Variants in STK24 observed in about 807,000 individuals in gnomAD.
STK24 encodes serine/threonine-protein kinase 24.
A neutral mutation model predicts 55.6 loss-of-function variants in STK24; 21 were observed. That is an observed-to-expected ratio of 0.38 (90% CI 0.27 to 0.54). The LOEUF (loss-of-function observed/expected upper bound fraction) is 0.54. Among genes scored for constraint, STK24 ranks in the 20% least tolerant of loss-of-function variants. The pLI is 0.79. For synonymous variants in STK24, 200 were observed against 215.2 expected (o/e 0.93, Z 0.62); for missense variants, 383 against 538.4 (o/e 0.71, Z 2.86).
intron 1 of STK24, among the ~76,000 whole-genome samples, chr13:98,534,188 C>G (rs1156358259): frequency 6.6e-6 from 1 of 152,226 alleles, no homozygotes; most frequent in Admixed American, 6.5e-5. Context: ...CCCAGGATCT[C>G]TCAGTGGTTG....
chr13:98,476,857 C>T (rs1343468106), intron 3 of STK24, among the ~76,000 whole-genome samples: 14 of 152,380 alleles, frequency 9.2e-5, no homozygotes, highest in African/African-American at 3.4e-4. Context: ...CTCGCTGGGA[C>T]TCTGGCCTGC....
chr13:98,456,634 C>T (rs1313878002), intron 10 of STK24: 3 of 451,414 alleles, frequency 6.6e-6, no homozygotes, highest in South Asian at 3.2e-5. Flanking sequence ...GTGCATTCAA[C>T]AGGTGGGGCC....
rs1023502749 is a variant in STK24, at chr13:98,451,371, C to T, written c.*1802G>A. 4 of 152,170 alleles carry T rather than the reference C, an allele frequency of 2.6e-5. No individual in the cohort carries two copies. The highest frequency in any genetic ancestry group is 9.7e-5 in the African/African-American group (4 of 41,440). The allele number at this position is 152,170 out of a possible 1,614,324, so 9.4% of individuals were successfully genotyped here. A position where few individuals can be genotyped will look rare whatever the true frequency, so the allele number is the denominator to read the frequency against. The stretch of plus-strand genomic sequence containing the variant: ...TGAAATCTTCTCCAATTTTATTATT[C>T]AACATAACATTCTTGTATGGAGTAA... On this transcript the variant is annotated 3_prime_UTR_variant, in exon 11 of 11. Coordinates refer to ENST00000539966, the MANE Select transcript of STK24 (RefSeq NM_001032296.4).
rs541580506 is a variant in STK24, at chr13:98,550,309, G to C, written c.42+26436C>G. On this transcript the variant is annotated intron_variant, in intron 1 of 10. Transcript: ENST00000539966. Reference sequence around the variant, plus strand: ...ATCCCAGCACTTTGGGAGGTCAAGGGGGGAAGATCGCGTGAGCCCAGGAGT... The same window carrying C: ...ATCCCAGCACTTTGGGAGGTCAAGGCGGGAAGATCGCGTGAGCCCAGGAGT... 3.3e-4 allele frequency among the ~76,000 whole-genome samples: 51 copies of C among 152,258 alleles called. No individual in the cohort carries two copies. The East Asian group carries it at 8.1e-3, about 24-fold the overall frequency.
Position 98,463,727 on chromosome 13 carries a change from T to C in STK24, c.893A>G (p.Gln298Arg). 1 of 1,614,202 alleles carries C rather than the reference T, an allele frequency of 6.2e-7. No individual in the cohort carries two copies. Among genetic ancestry groups the C allele is most frequent in the Non-Finnish European group, 8.5e-7 (1 of 1,180,028 alleles). ...IDRYKRWKAE[Q>R]SHDDSSSEDS... Reference sequence around the variant, plus strand: ...CTCGGAGCTCGAGTCGTCATGGCTCTGCTCGGCCTTCCATCTCTTGTACCT... The same window carrying C: ...CTCGGAGCTCGAGTCGTCATGGCTCCGCTCGGCCTTCCATCTCTTGTACCT... Residue 298 changes from glutamine to arginine, a missense_variant, in exon 7 of 11, where the codon CAG becomes CGG. Gln to Arg is a conservative substitution (Grantham distance 43). Coordinates refer to ENST00000539966, the MANE Select transcript of STK24 (RefSeq NM_001032296.4).
intron 1 of STK24, among the ~76,000 whole-genome samples, chr13:98,570,418 G>A (rs1325020620): frequency 6.6e-6 from 1 of 152,146 alleles, no homozygotes; most frequent in African/African-American, 2.4e-5. Flanking sequence ...AAACCTTACG[G>A]CCTAAAATTC....
intron 1 of STK24, among the ~76,000 whole-genome samples, chr13:98,536,569 G>C (rs1316416149): frequency 6.6e-6 from 1 of 151,942 alleles, no homozygotes; most frequent in Non-Finnish European, 1.5e-5. Flanking sequence ...GGTCTATGTT[G>C]CCCAGGATGG....
At chr13:98,478,522 G>A (rs1201867113) in intron 3 of STK24, among the ~76,000 whole-genome samples, 1 of 152,228 alleles carries the variant, frequency 6.6e-6, no homozygotes, top group Non-Finnish European at 1.5e-5. Flanking sequence ...TCCAGATGCT[G>A]AAGCCACCCA....
intron 1 of STK24, among the ~76,000 whole-genome samples, chr13:98,549,837 AC>A (rs1377805307): frequency 6.6e-6 from 1 of 151,896 alleles, no homozygotes; most frequent in African/African-American, 2.4e-5. Flanking sequence ...TCACCTAATC[AC>A]CTCCTAAAGG....
chr13:98,449,646 GAA>G lies in STK24; in HGVS notation c.*3525_*3526del, dbSNP rs1893090103. On this transcript the variant is annotated 3_prime_UTR_variant, in exon 11 of 11. Transcript: ENST00000539966. ...AACAAACAGCAACTTGCAAACGGAC[GAA>G]GAGCCTGCCGTGTGTTAATCATTTG... 6.6e-6 allele frequency: 1 copy of G among 152,600 alleles called. No homozygotes were observed. The allele number at this position is 152,600 out of a possible 1,614,324, so 9.5% of individuals were successfully genotyped here.
chr13:98,461,709 C>T, intron 8 of STK24, 65 bp downstream of exon 8: 12 of 1,592,094 alleles, frequency 7.5e-6, no homozygotes, highest in Non-Finnish European at 1.0e-5. Flanking sequence ...AAGCTTCACA[C>T]ACAAGTGCCT....
At chr13:98,549,737 C>T (rs147556505) in intron 1 of STK24, among the ~76,000 whole-genome samples, 95 of 152,338 alleles carry the variant, frequency 6.2e-4, no homozygotes, top group Middle Eastern at 3.4e-3. Context: ...AACTAAACCT[C>T]TTTCCTTTAT....
At chr13:98,470,982 C>G (rs1470497097) in intron 5 of STK24, among the ~76,000 whole-genome samples, 3 of 152,186 alleles carry the variant, frequency 2.0e-5, no homozygotes, top group African/African-American at 7.2e-5. Context: ...CATCTAGAGG[C>G]GTATGTGATG....
intron 1 of STK24, among the ~76,000 whole-genome samples, chr13:98,537,985 C>G (rs926895511): frequency 3.9e-5 from 6 of 152,124 alleles, no homozygotes; most frequent in African/African-American, 1.2e-4. Context: ...CGGGGTGCAG[C>G]TGGAGGTCAG....
At chr13:98,574,568 TC>T (rs1897830521) in intron 1 of STK24, among the ~76,000 whole-genome samples, 2 of 152,156 alleles carry the variant, frequency 1.3e-5, no homozygotes, top group African/African-American at 2.4e-5. Context: ...AGAATGTTCT[TC>T]CCCAAATGAT....
At chr13:98,498,420 T>C (rs4772090) in intron 2 of STK24, among the ~76,000 whole-genome samples, 40,807 of 152,126 alleles carry the variant, frequency 0.27, 6,176 homozygotes, top group East Asian at 0.41. Flanking sequence ...TGGGCTGAGA[T>C]TGCTGAAAAG....
intron 2 of STK24, among the ~76,000 whole-genome samples, chr13:98,484,453 C>T (rs774412089): frequency 3.9e-5 from 6 of 152,156 alleles, no homozygotes; most frequent in Non-Finnish European, 7.3e-5. Flanking sequence ...GGTAATCTCC[C>T]CGCCTCTTCT....
chr13:98,495,691 T>C (rs536912248), intron 2 of STK24, among the ~76,000 whole-genome samples: 1 of 152,242 alleles, frequency 6.6e-6, no homozygotes, highest in Non-Finnish European at 1.5e-5. Flanking sequence ...TCATAGTCCT[T>C]GTCCTCGGAC....
At chr13:98,484,019 C>T (rs1485018167) in intron 2 of STK24, among the ~76,000 whole-genome samples, 1 of 152,210 alleles carries the variant, frequency 6.6e-6, no homozygotes, top group African/African-American at 2.4e-5. Flanking sequence ...GCGGAAACCT[C>T]GAATGATGTG....
Sources: allele counts gnomAD v4.1 joint callset (sites outside exome capture counted in the v4.1 genomes callset), GRCh38; gene constraint gnomAD v4.1.1; transcripts MANE v1.5; gene names NCBI Gene and HGNC (gene_info 2026-07-23, HGNC 2026-07-21).